The following IARS1 variants were observed in gnomAD, a reference collection of about 807,000 sequenced individuals.
The protein encoded by IARS1 is isoleucine--tRNA ligase, cytoplasmic.
In IARS1, 124 loss-of-function variants were observed where a neutral mutation model predicts 168.2. The ratio of observed to expected loss-of-function variants is 0.74; its 90% CI spans 0.64 to 0.86. IARS1 has a LOEUF of 0.86. Among genes scored for constraint, IARS1 ranks in the 40% least tolerant of loss-of-function variants. The probability of loss-of-function intolerance (pLI) is 0.00; values close to 1 mark genes in which losing one functional copy is unlikely to be tolerated. For missense variants in IARS1, 1,452 were observed against 1,515.8 expected, an observed-to-expected ratio of 0.96 and a Z score of 0.70; for synonymous variants, 532 against 529.4, an observed-to-expected ratio of 1.00 and a Z score of -0.07.
chr9:92,251,239 C>A (rs1829972699), intron 22 of IARS1: 1 of 446,194 alleles, frequency 2.2e-6, no homozygotes, highest in Non-Finnish European at 4.5e-6. Flanking sequence ...GCACCTTGTA[C>A]AAAGCAGATT....
In IARS1 at chr9:92,289,394, A is replaced by G; in HGVS notation, c.26T>C (p.Ile9Thr). 6.4e-7 allele frequency: 1 copy of G among 1,574,792 alleles called. No individual in the cohort carries two copies. The highest frequency in any genetic ancestry group is 8.7e-7 in the Non-Finnish European group (1 of 1,146,214). The change falls in exon 2 of 34, where the codon ATA becomes ACA. Residue 9 changes from isoleucine to threonine, a missense_variant. Coordinates refer to ENST00000443024, the MANE Select transcript of IARS1 (RefSeq NM_002161.6). ...TTTCTCTTCTTCAGCAGGAAAATTTATGTTTTCTGGAACTTGTTGAAGCAT... is the reference window on the plus strand; with the variant it reads ...TTTCTCTTCTTCAGCAGGAAAATTTGTGTTTTCTGGAACTTGTTGAAGCAT... MLQQVPEN[I>T]NFPAEEEKIL...
intron 19 of IARS1, among the ~76,000 whole-genome samples, 189 bp downstream of exon 19, chr9:92,258,665 G>C (rs1384979101): frequency 6.6e-6 from 1 of 152,184 alleles, no homozygotes; most frequent in Non-Finnish European, 1.5e-5. Context: ...CCATGGTCTT[G>C]GCATAGCCCG....
intron 16 of IARS1, among the ~76,000 whole-genome samples, chr9:92,263,871 A>G (rs1041594447): frequency 1.3e-5 from 2 of 152,204 alleles, no homozygotes; most frequent in Non-Finnish European, 2.9e-5. Flanking sequence ...CTAAAAACAG[A>G]ATTTGTGCTG....
chr9:92,223,719 T>C (rs1825179753), intron 31 of IARS1, among the ~76,000 whole-genome samples: 1 of 152,182 alleles, frequency 6.6e-6, no homozygotes, highest in Non-Finnish European at 1.5e-5. Flanking sequence ...ATCTGAAATA[T>C]AGGGCTAATT....
chr9:92,283,036 GT>G (rs1834883319), intron 6 of IARS1, among the ~76,000 whole-genome samples: 1 of 151,958 alleles, frequency 6.6e-6, no homozygotes. Flanking sequence ...TGTAATTTTA[GT>G]AGAGATGGGG....
At chr9:92,217,244 T>C (rs372093726) in intron 33 of IARS1, among the ~76,000 whole-genome samples, 4,552 of 151,544 alleles carry the variant, frequency 0.03, 105 homozygotes, top group South Asian at 0.077. Context: ...AGACACAACA[T>C]ACCAGAATCT....
chr9:92,243,190 A>G, intron 28 of IARS1, 26 bp downstream of exon 28: 1 of 1,566,626 alleles, frequency 6.4e-7, no homozygotes, highest in Non-Finnish European at 8.8e-7. Flanking sequence ...CCAAAACAGT[A>G]GCTTATTCTT....
At chr9:92,288,845 G>A (rs1835863271) in intron 2 of IARS1, among the ~76,000 whole-genome samples, 1 of 152,132 alleles carries the variant, frequency 6.6e-6, no homozygotes, top group African/African-American at 2.4e-5. Flanking sequence ...TTCATTCAAT[G>A]TATATCTACT....
At chr9:92,285,067 C>T (rs2133973426) in intron 6 of IARS1, among the ~76,000 whole-genome samples, 1 of 152,168 alleles carries the variant, frequency 6.6e-6, no homozygotes, top group East Asian at 1.9e-4. Context: ...GGCCATGAAA[C>T]AAGAATTCCA....
At chr9:92,232,496 A>G (rs1826874534) in intron 30 of IARS1, among the ~76,000 whole-genome samples, 1 of 152,204 alleles carries the variant, frequency 6.6e-6, no homozygotes, top group Non-Finnish European at 1.5e-5. Context: ...CGTTAAGAGA[A>G]AAAGACTAAC....
intron 2 of IARS1, among the ~76,000 whole-genome samples, chr9:92,288,875 G>C (rs1835868471): frequency 6.6e-6 from 1 of 152,094 alleles, no homozygotes; most frequent in Non-Finnish European, 1.5e-5. Flanking sequence ...CCACTACATA[G>C]GGAGCTGGGG....
chr9:92,257,535 T>A (rs545687261), intron 19 of IARS1, among the ~76,000 whole-genome samples: 1 of 152,294 alleles, frequency 6.6e-6, no homozygotes, highest in East Asian at 1.9e-4. Context: ...GAGAACCACA[T>A]GCAGGACAGG....
intron 6 of IARS1, among the ~76,000 whole-genome samples, chr9:92,283,487 T>C (rs1368758566): frequency 2.0e-5 from 3 of 151,830 alleles, no homozygotes; most frequent in African/African-American, 7.3e-5. Flanking sequence ...CTACTAAAAA[T>C]ACAAAACTTA....
At chr9:92,283,876 T>C (rs1001675651) in intron 6 of IARS1, among the ~76,000 whole-genome samples, 1 of 152,154 alleles carries the variant, frequency 6.6e-6, no homozygotes, top group Non-Finnish European at 1.5e-5. Context: ...TTTGAGAATA[T>C]TAAAATAAAA....
chr9:92,262,389 A>ATTTCATTTTAAAAT (rs1831648863), intron 17 of IARS1, among the ~76,000 whole-genome samples: 1 of 152,204 alleles, frequency 6.6e-6, no homozygotes, highest in Admixed American at 6.5e-5. Context: ...ATTTTAAAAT[A>ATTTCATTTTAAAAT]TTTCATTTTA....
intron 22 of IARS1, 73 bp from the exon 23 acceptor site, chr9:92,250,907 CAACTA>C (rs1440257519): frequency 2.0e-6 from 3 of 1,470,002 alleles, no homozygotes; most frequent in African/African-American, 2.8e-5. Flanking sequence ...TACTGAGAAA[CAACTA>C]AACATGTTAG....
At chr9:92,243,183 A>G (rs766787417) in intron 28 of IARS1, 33 bp downstream of exon 28, 2 of 1,552,360 alleles carry the variant, frequency 1.3e-6, no homozygotes, top group African/African-American at 2.7e-5. Context: ...CAAAAAGCCA[A>G]AACAGTAGCT....
rs777119092 is a variant in IARS1, at chr9:92,258,871, C to T, written c.1999G>A (p.Val667Ile). 1.9e-5 allele frequency: 30 copies of T among 1,610,778 alleles called. No homozygotes were observed. Among genetic ancestry groups the T allele is most frequent in the Middle Eastern group, 3.4e-4 (2 of 5,926 alleles). The change falls in exon 19 of 34, where the codon GTT (valine) becomes ATT (isoleucine). Residue 667 changes from valine (V) to isoleucine (I), a missense_variant. By Grantham distance (29) the Val-to-Ile change is conservative. Coordinates refer to ENST00000443024, the MANE Select transcript of IARS1 (RefSeq NM_002161.6). ...GCCCATACCTTCTGGAGCCTCAGAA[C>T]GTTCTGGATTAAGAAGCGATAGGCA... Reference protein sequence around the residue: ...YNAYRFLIQNVLRLQKEEEIE... With the variant: ...YNAYRFLIQNILRLQKEEEIE...
chr9:92,222,051 C>T (rs1486280730), intron 33 of IARS1, among the ~76,000 whole-genome samples: 1 of 152,150 alleles, frequency 6.6e-6, no homozygotes, highest in Admixed American at 6.5e-5. Flanking sequence ...GGCATCACGG[C>T]TCACGCCTGT....
Sources: allele counts gnomAD v4.1 joint callset (sites outside exome capture counted in the v4.1 genomes callset), GRCh38; gene constraint gnomAD v4.1.1; transcripts MANE v1.5; gene names NCBI Gene and HGNC (gene_info 2026-07-23, HGNC 2026-07-21).